OR51B5: variants seen among roughly 807,000 people sequenced by gnomAD.
The protein encoded by OR51B5 is olfactory receptor family 51 subfamily B member 5, also known as olfactory receptor 51B5.
For synonymous variants in OR51B5, 186 were observed against 144.8 expected (o/e 1.28, Z -2.04); for missense variants, 456 against 374.6 (o/e 1.22, Z -1.79).
At chr11:5,375,899 C>T (rs11608065) in intron 1 of OR51B5, among the ~76,000 whole-genome samples, 16,826 of 152,082 alleles carry the variant, frequency 0.11, 1,056 homozygotes, top group South Asian at 0.15. Flanking sequence ...TTAGACAGAT[C>T]AACGAGACAG....
chr11:5,482,199 C>A (rs1396181639), intron 1 of OR51B5, among the ~76,000 whole-genome samples: 9 of 98,542 alleles, frequency 9.1e-5, no homozygotes, highest in Admixed American at 2.2e-4. Context: ...AGAAATAATG[C>A]CGCATATCTA....
At chr11:5,414,801 T>C (rs1003246542) in intron 1 of OR51B5, among the ~76,000 whole-genome samples, 3 of 152,086 alleles carry the variant, frequency 2.0e-5, no homozygotes, top group South Asian at 2.1e-4. Context: ...TACAAAGAGA[T>C]TTAGACTCCC....
At chr11:5,431,232 G>A (rs888604539) in intron 1 of OR51B5, 7 of 345,144 alleles carry the variant, frequency 2.0e-5, no homozygotes, top group African/African-American at 1.5e-4. Flanking sequence ...TGGCTACAAA[G>A]CGGTCATAGC....
chr11:5,451,575 T>C (rs1342537155), intron 1 of OR51B5, among the ~76,000 whole-genome samples: 3 of 152,214 alleles, frequency 2.0e-5, no homozygotes, highest in Non-Finnish European at 2.9e-5. Context: ...CTGGAAACCA[T>C]AGTACCTGTG....
upstream of OR51B5, among the ~76,000 whole-genome samples, chr11:5,348,494 A>G (rs1849027958): frequency 6.6e-6 from 1 of 152,142 alleles, no homozygotes; most frequent in Non-Finnish European, 1.5e-5. Flanking sequence ...TCTAGAAAAA[A>G]AGTCACTATC....
intron 1 of OR51B5, among the ~76,000 whole-genome samples, chr11:5,416,438 A>G (rs1267474694): frequency 6.6e-6 from 1 of 152,190 alleles, no homozygotes; most frequent in Non-Finnish European, 1.5e-5. Flanking sequence ...GCAATTAGGC[A>G]GGAAAAGGAA....
At chr11:5,438,272 C>T (rs907733519) in intron 1 of OR51B5, among the ~76,000 whole-genome samples, 5 of 99,252 alleles carry the variant, frequency 5.0e-5, no homozygotes, top group Admixed American at 2.1e-4. Context: ...ATACTGCCCT[C>T]TCTCTCCACT....
chr11:5,453,471 C>T (rs758615846), intron 1 of OR51B5: 12 of 1,499,716 alleles, frequency 8.0e-6, no homozygotes, highest in Non-Finnish European at 1.1e-5. Flanking sequence ...CTGAAAAGTA[C>T]CCTAAGTTTG....
At chr11:5,467,193 A>G (rs1211272421) in intron 1 of OR51B5, among the ~76,000 whole-genome samples, 1 of 152,144 alleles carries the variant, frequency 6.6e-6, no homozygotes, top group African/African-American at 2.4e-5. Flanking sequence ...TGCTTAGTAT[A>G]CAGTCCTCTC....
At chr11:5,483,261 A>G (rs1851450795) in intron 1 of OR51B5, among the ~76,000 whole-genome samples, 1 of 144,920 alleles carries the variant, frequency 6.9e-6, no homozygotes, top group East Asian at 2.2e-4. Flanking sequence ...GCAAGAACAA[A>G]AAACCAAACA....
At chr11:5,342,602 T>C (rs758174001) in exon 1 of OR51B5, 3 of 1,588,938 alleles carry the variant, frequency 1.9e-6, no homozygotes, top group South Asian at 1.2e-5. Context: ...TCCAATTCTA[T>C]GGGTAGTAAA....
At chr11:5,411,523 G>C (rs936093497) in intron 1 of OR51B5, among the ~76,000 whole-genome samples, 2 of 152,110 alleles carry the variant, frequency 1.3e-5, no homozygotes, top group African/African-American at 2.4e-5. Flanking sequence ...AATGAAATAA[G>C]TCCCCATTCA....
At chr11:5,423,029 ATCAT>A (rs1272638507) in intron 1 of OR51B5, 1 of 1,614,060 alleles carries the variant, frequency 6.2e-7, no homozygotes, top group East Asian at 2.2e-5. Flanking sequence ...GGTCCATGTT[ATCAT>A]GGCCAATATC....
At chr11:5,476,736 T>G (rs769160136) in intron 1 of OR51B5, among the ~76,000 whole-genome samples, 4 of 152,226 alleles carry the variant, frequency 2.6e-5, no homozygotes, top group Non-Finnish European at 4.4e-5. Context: ...ACTAGTTGTG[T>G]TATCCTAGAC....
chr11:5,386,470 T>G (rs756121813), intron 1 of OR51B5, among the ~76,000 whole-genome samples: 1 of 152,242 alleles, frequency 6.6e-6, no homozygotes, highest in South Asian at 2.1e-4. Flanking sequence ...ACATGAAATA[T>G]TCATGATTAT....
At chr11:5,415,787 G>A (rs997672248) in intron 1 of OR51B5, among the ~76,000 whole-genome samples, 1 of 152,124 alleles carries the variant, frequency 6.6e-6, no homozygotes, top group Admixed American at 6.5e-5. Context: ...ATAATCAATA[G>A]ATTACCAACT....
intron 1 of OR51B5, chr11:5,441,008 G>A: frequency 6.2e-7 from 1 of 1,613,986 alleles, no homozygotes; most frequent in Non-Finnish European, 8.5e-7. Flanking sequence ...CTTTGCAGAA[G>A]GGCAGTCGTT....
intron 1 of OR51B5, among the ~76,000 whole-genome samples, chr11:5,393,764 T>A (rs1243874464): frequency 6.6e-6 from 1 of 152,154 alleles, no homozygotes; most frequent in Non-Finnish European, 1.5e-5. Flanking sequence ...ATTTTCAATG[T>A]TTTAAAATTA....
At chr11:5,419,264 A>C (rs1850293249) in intron 1 of OR51B5, among the ~76,000 whole-genome samples, 1 of 152,228 alleles carries the variant, frequency 6.6e-6, no homozygotes, top group Non-Finnish European at 1.5e-5. Flanking sequence ...TCCAGGAATG[A>C]AAATGTCTTT....
Sources: allele counts gnomAD v4.1 joint callset (sites outside exome capture counted in the v4.1 genomes callset), GRCh38; gene constraint gnomAD v4.1.1; transcripts MANE v1.5; gene names NCBI Gene and HGNC (gene_info 2026-07-23, HGNC 2026-07-21).